CSMD1: variants seen among roughly 807,000 people sequenced by gnomAD.
CSMD1 encodes the protein CUB and sushi domain-containing protein 1.
A neutral mutation model predicts 417.5 loss-of-function variants in CSMD1; 213 were observed. The ratio of observed to expected loss-of-function variants is 0.51; its 90% CI spans 0.46 to 0.57. CSMD1 has a LOEUF of 0.57. Ranked by LOEUF, CSMD1 falls within the 20% of genes least tolerant of loss-of-function variation. CSMD1 has a pLI of 0.00. For synonymous variants in CSMD1, 2,862 were observed against 1,736.8 expected, an observed-to-expected ratio of 1.65 and a Z score of -16.11; for missense variants, 6,923 against 4,529.7, an observed-to-expected ratio of 1.53 and a Z score of -15.17.
At chr8:4,907,535 T>C (rs1241416854) in intron 1 of CSMD1, among the ~76,000 whole-genome samples, 1 of 127,608 alleles carries the variant, frequency 7.8e-6, no homozygotes, top group Non-Finnish European at 1.7e-5. Context: ...TTTAAATTAT[T>C]TTTGGTTTGT....
At position 3,199,767 on chromosome 8, in the gene CSMD1, C is replaced by T. The variant is rs747749324; in HGVS notation, c.5141G>A (p.Arg1714Gln). ...PLATSNQILL[R>Q]FSAKSGASAR... ...AGAGGCACCGCTCTTTGCACTGAATCGGAGCAGAATTTGATTTGACGTAGC... is the reference window on the plus strand; with the variant it reads ...AGAGGCACCGCTCTTTGCACTGAATTGGAGCAGAATTTGATTTGACGTAGC... The change falls in exon 33 of 70, where the codon CGA becomes CAA. Residue 1714 changes from arginine to glutamine, a missense_variant. By Grantham distance (43) the Arg-to-Gln change is conservative (BLOSUM62 1). Transcript: ENST00000635120. The T allele has an allele frequency of 1.8e-5, 29 of 1,586,512 alleles. No individual in the cohort carries two copies. Among genetic ancestry groups the T allele is most frequent in the Admixed American group, 8.9e-5 (5 of 56,038 alleles).
intron 3 of CSMD1, among the ~76,000 whole-genome samples, chr8:4,112,408 G>A (rs564003642): frequency 2.0e-5 from 3 of 152,162 alleles, no homozygotes; most frequent in Admixed American, 6.5e-5. Flanking sequence ...GGCTGAGCTT[G>A]CCAGTAAATA....
chr8:3,320,332 C>G (rs1344412131), intron 23 of CSMD1, among the ~76,000 whole-genome samples: 1 of 152,228 alleles, frequency 6.6e-6, no homozygotes, highest in Non-Finnish European at 1.5e-5. Context: ...CCTCGTGCCT[C>G]CTTCACATCT....
intron 5 of CSMD1, among the ~76,000 whole-genome samples, chr8:3,772,790 T>A (rs886087950): frequency 2.6e-5 from 4 of 151,822 alleles, no homozygotes; most frequent in African/African-American, 9.7e-5. Flanking sequence ...TAAAGCACCA[T>A]GACAGCCAAC....
chr8:4,393,219 A>T (rs1803973597), intron 3 of CSMD1, among the ~76,000 whole-genome samples: 1 of 151,798 alleles, frequency 6.6e-6, no homozygotes, highest in African/African-American at 2.4e-5. Flanking sequence ...AAATTGATCT[A>T]CCCACATCAG....
intron 3 of CSMD1, among the ~76,000 whole-genome samples, chr8:4,270,271 T>C (rs887460665): frequency 6.6e-6 from 1 of 152,192 alleles, no homozygotes; most frequent in East Asian, 1.9e-4. Flanking sequence ...TCATTTTTAA[T>C]TAATTCACTA....
At chr8:4,162,600 A>G (rs80138872) in intron 3 of CSMD1, among the ~76,000 whole-genome samples, 8,020 of 152,226 alleles carry the variant, frequency 0.053, 382 homozygotes, top group East Asian at 0.19. Context: ...TTTTAAGAGC[A>G]GTTTTTCTAG....
chr8:4,093,808 A>G (rs1301692218), intron 3 of CSMD1, among the ~76,000 whole-genome samples: 2 of 152,090 alleles, frequency 1.3e-5, no homozygotes, highest in South Asian at 2.1e-4. Context: ...TAAAAATACA[A>G]AAAGTAGCTG....
chr8:4,080,816 A>G (rs1311974923), intron 3 of CSMD1, among the ~76,000 whole-genome samples: 2 of 152,218 alleles, frequency 1.3e-5, no homozygotes, highest in Non-Finnish European at 2.9e-5. Context: ...AGATAGCTAG[A>G]TAAAAATTCA....
chr8:3,496,962 T>G (rs1182341201), intron 10 of CSMD1, among the ~76,000 whole-genome samples: 1 of 150,402 alleles, frequency 6.6e-6, no homozygotes, highest in Non-Finnish European at 1.5e-5. Context: ...AAGTTTCTCT[T>G]GTTATTTATT....
intron 2 of CSMD1, among the ~76,000 whole-genome samples, chr8:4,440,072 C>G (rs115344303): frequency 0.017 from 2,565 of 152,202 alleles, 95 homozygotes; most frequent in African/African-American, 0.058. Flanking sequence ...GTTTAAAACA[C>G]TGTTTTTAAC....
At chr8:3,515,058 C>G (rs1797230252) in intron 10 of CSMD1, among the ~76,000 whole-genome samples, 1 of 152,116 alleles carries the variant, frequency 6.6e-6, no homozygotes, top group South Asian at 2.1e-4. Context: ...CGACATCTAA[C>G]TTTTCAAAAT....
intron 25 of CSMD1, among the ~76,000 whole-genome samples, chr8:3,288,681 C>G (rs923423435): frequency 6.8e-6 from 1 of 146,180 alleles, no homozygotes; most frequent in Non-Finnish European, 1.5e-5. Flanking sequence ...CTATTTGATT[C>G]TTCTCTCTTT....
intron 7 of CSMD1, among the ~76,000 whole-genome samples, chr8:3,672,106 G>A (rs1022734878): frequency 5.9e-5 from 9 of 152,120 alleles, no homozygotes; most frequent in East Asian, 1.9e-4. Context: ...TTGATGCAGC[G>A]TTCAAGGTTA....
At chr8:3,244,264 G>A (rs1799733035) in intron 26 of CSMD1, among the ~76,000 whole-genome samples, 1 of 152,156 alleles carries the variant, frequency 6.6e-6, no homozygotes, top group African/African-American at 2.4e-5. Context: ...ATTTTGGAGG[G>A]TCAGTAGCCT....
At chr8:3,725,284 G>A (rs928538012) in intron 6 of CSMD1, among the ~76,000 whole-genome samples, 1 of 152,156 alleles carries the variant, frequency 6.6e-6, no homozygotes, top group Non-Finnish European at 1.5e-5. Flanking sequence ...CAGGTCCAGG[G>A]CCATGAAGAC....
intron 3 of CSMD1, among the ~76,000 whole-genome samples, chr8:4,106,001 G>T (rs1007370593): frequency 7.2e-5 from 11 of 152,200 alleles, no homozygotes; most frequent in African/African-American, 2.2e-4. Context: ...GCAGGAGATT[G>T]CATCTTCGGG....
chr8:3,237,524 A>G (rs993470219), intron 26 of CSMD1, among the ~76,000 whole-genome samples: 2 of 147,400 alleles, frequency 1.4e-5, no homozygotes, highest in African/African-American at 4.9e-5. Context: ...TATATTAAAT[A>G]TTATATATTT....
At chr8:3,490,862 T>C (rs929087393) in intron 11 of CSMD1, among the ~76,000 whole-genome samples, 5 of 148,278 alleles carry the variant, frequency 3.4e-5, no homozygotes, top group African/African-American at 1.3e-4. Flanking sequence ...TTTTTAAAAA[T>C]AAAAAGAAAA....
Sources: gnomAD v4.1 joint callset for allele counts (sites outside exome capture counted in the v4.1 genomes callset) on GRCh38, gnomAD v4.1.1 for gene constraint, MANE v1.5 for transcripts, NCBI Gene and HGNC (gene_info 2026-07-23, HGNC 2026-07-21) for gene names.